Variants in SREK1 observed in about 807,000 individuals in gnomAD.
SREK1 encodes the protein splicing regulatory glutamic acid and lysine rich protein 1, also known as splicing regulatory glutamine/lysine-rich protein 1.
In SREK1, 13 loss-of-function variants were observed where a neutral mutation model predicts 66.5. The observed-to-expected ratio is 0.20, with a 90% CI of 0.13 to 0.31. The LOEUF is 0.31. Among genes scored for constraint, SREK1 ranks in the 10% least tolerant of loss-of-function variants. SREK1 has a pLI of 1.00. For synonymous variants in SREK1, 265 were observed against 263.5 expected, an observed-to-expected ratio of 1.01 and a Z score of -0.05; for missense variants, 607 against 769.6, an observed-to-expected ratio of 0.79 and a Z score of 2.50.
At chr5:66,176,729 TTTG>T (rs942604626) in intron 10 of SREK1, among the ~76,000 whole-genome samples, 8 of 152,100 alleles carry the variant, frequency 5.3e-5, no homozygotes, top group African/African-American at 2.4e-5. Context: ...CCTAGAAATT[TTTG>T]TTGTTGTTGC....
At chr5:66,160,325 G>A (rs956669588) in intron 3 of SREK1, among the ~76,000 whole-genome samples, 2 of 152,186 alleles carry the variant, frequency 1.3e-5, no homozygotes, top group African/African-American at 4.8e-5. Flanking sequence ...CTATGTGATT[G>A]TAGTTAATTT....
In SREK1 at chr5:66,180,444, G is replaced by A. The variant is rs1409730392; in HGVS notation, c.*1576G>A. The A allele has an allele frequency of 6.6e-6, 1 of 152,556 alleles. No homozygotes were observed. The highest frequency in any genetic ancestry group is 1.5e-5 in the Non-Finnish European group (1 of 68,014). The allele number at this position is 152,556 out of a possible 1,614,324, so 9.5% of individuals were successfully genotyped here. A position where few individuals can be genotyped will look rare whatever the true frequency, so the allele number is the denominator to read the frequency against. On this transcript the variant is annotated 3_prime_UTR_variant, in exon 12 of 12. Transcript: ENST00000334121. ...ATCTAAAAAGCTGAATAGCATGTTAGTTACTTGGTTTCAACTTGAGTTTTC... is the reference window on the plus strand; with the variant it reads ...ATCTAAAAAGCTGAATAGCATGTTAATTACTTGGTTTCAACTTGAGTTTTC...
intron 1 of SREK1, 167 bp downstream of exon 1, chr5:66,144,704 C>T (rs895903222): frequency 1.5e-6 from 2 of 1,325,148 alleles, no homozygotes; most frequent in Non-Finnish European, 9.9e-7. Flanking sequence ...CGCCGTCCTG[C>T]TCTCCTTAGT....
chr5:66,157,613 T>TA (rs1744399166), intron 2 of SREK1: 1 of 967,944 alleles, frequency 1.0e-6, no homozygotes, highest in Non-Finnish European at 1.2e-6. Context: ...AACTAATACA[T>TA]ATAAAGCAGA....
chr5:66,155,919 C>T, intron 2 of SREK1: 3 of 1,217,338 alleles, frequency 2.5e-6, no homozygotes, highest in Non-Finnish European at 3.3e-6. Flanking sequence ...TAAATGTTAA[C>T]ACGTAGAAAA....
intron 9 of SREK1, 83 bp downstream of exon 9, chr5:66,171,030 A>G (rs1251367341): frequency 6.7e-7 from 1 of 1,493,164 alleles, no homozygotes. Context: ...AGAAAAGGTT[A>G]CTGTACGCAA....
chr5:66,159,586 A>G (rs1744566096), intron 3 of SREK1, among the ~76,000 whole-genome samples: 1 of 152,168 alleles, frequency 6.6e-6, no homozygotes, highest in Non-Finnish European at 1.5e-5. Context: ...CTAGAAAATC[A>G]GTTATTAAAA....
At chr5:66,144,585 C>G (rs763644337) in intron 1 of SREK1, 48 bp downstream of exon 1, 1 of 1,514,994 alleles carries the variant, frequency 6.6e-7, no homozygotes, top group Non-Finnish European at 8.9e-7. Flanking sequence ...GCCATAGAGA[C>G]CTCGGGAGCC....
chr5:66,172,824 ATTTTTTT>A (rs762670649), intron 9 of SREK1, among the ~76,000 whole-genome samples: 15 of 118,226 alleles, frequency 1.3e-4, no homozygotes, highest in South Asian at 2.6e-4. Flanking sequence ...ATTTCTTTGA[ATTTTTTT>A]TTTTTTTTTT....
chr5:66,148,227 A>G (rs1237795123), intron 1 of SREK1, among the ~76,000 whole-genome samples: 1 of 152,026 alleles, frequency 6.6e-6, no homozygotes, highest in Non-Finnish European at 1.5e-5. Context: ...TAATGCACCA[A>G]CTAATATTTT....
rs144582941 is a variant in SREK1, at chr5:66,158,571, AAGTT to A, written c.296-647_296-644del. 4.3e-3 allele frequency: 920 copies of A among 212,978 alleles called. 12 individuals are homozygous for A. Among genetic ancestry groups the A allele is most frequent in the African/African-American group, 0.021 (884 of 42,136 alleles). The allele number at this position is 212,978 out of a possible 1,614,324, so 13.2% of individuals were successfully genotyped here. On this transcript the variant is annotated intron_variant, in intron 2 of 11. Coordinates refer to ENST00000334121, the MANE Select transcript of SREK1 (RefSeq NM_001077199.3). ...TACGTTGAAGTTGATTACATGGAGT[AAGTT>A]TTTGTTTTCTATTTGAAATTAAATG...
At chr5:66,167,395 G>A (rs1745262516) in intron 7 of SREK1, 1 of 152,124 alleles carries the variant, frequency 6.6e-6, no homozygotes, top group African/African-American at 2.4e-5. Context: ...ATATTTTAAT[G>A]GAAAACAACT....
chr5:66,145,063 A>T (rs1361614086), intron 1 of SREK1: 1 of 985,682 alleles, frequency 1.0e-6, no homozygotes, highest in East Asian at 1.1e-4. Flanking sequence ...CAAACTTAGC[A>T]TTTTGGTTTA....
intron 9 of SREK1, among the ~76,000 whole-genome samples, chr5:66,173,485 T>G (rs1745815792): frequency 6.6e-6 from 1 of 152,204 alleles, no homozygotes; most frequent in African/African-American, 2.4e-5. Context: ...AAAAACAGAT[T>G]AGGTTAAGTA....
At position 66,181,908 on chromosome 5, in the gene SREK1, G is replaced by GA. The variant is rs1580691930; in HGVS notation, c.*3040_*3041insA. The GA allele has an allele frequency of 7.7e-6, 1 of 129,308 alleles. No individual in the cohort carries two copies. The highest frequency in any genetic ancestry group is 2.8e-5 in the African/African-American group (1 of 36,100). The allele number at this position is 129,308 out of a possible 1,614,324, so 8.0% of individuals were successfully genotyped here. On this transcript the variant is annotated 3_prime_UTR_variant, in exon 12 of 12. Transcript: ENST00000334121. ...TGAAAAGGTTTTTTTGTCGGGGGGGGGGGGGTCAAGAGAATTTATTTTGTG... is the reference window on the plus strand; with the variant it reads ...TGAAAAGGTTTTTTTGTCGGGGGGGGAGGGGGTCAAGAGAATTTATTTTGTG...
rs1742951771 is a variant in SREK1, at chr5:66,144,326, T to G, written c.-51T>G. On this transcript the variant is annotated 5_prime_UTR_variant, in exon 1 of 12. Transcript: ENST00000334121. ...TTCTCCGCTTTCCCGGCTCCGTCGC[T>G]GACGCGTCGTAGACGTTGGGGAGCG... 1.4e-6 allele frequency: 2 copies of G among 1,408,032 alleles called. No individual in the cohort carries two copies. Among genetic ancestry groups the G allele is most frequent in the African/African-American group, 2.9e-5 (2 of 67,824 alleles). 87.2% of individuals were successfully genotyped at this position (1,408,032 alleles called of 1,614,324 possible).
intron 1 of SREK1, among the ~76,000 whole-genome samples, chr5:66,147,352 G>T (rs1484587380): frequency 6.6e-6 from 1 of 152,112 alleles, no homozygotes; most frequent in Non-Finnish European, 1.5e-5. Flanking sequence ...AGAAATCCTT[G>T]TTGTTTTTTC....
At chr5:66,150,230 C>T (rs978447881) in intron 1 of SREK1, among the ~76,000 whole-genome samples, 1 of 152,168 alleles carries the variant, frequency 6.6e-6, no homozygotes, top group Non-Finnish European at 1.5e-5. Context: ...ATGAGGAAAC[C>T]GTGCTAAGGC....
At chr5:66,169,785 A>G (rs1028960012) in intron 7 of SREK1, 2 of 215,418 alleles carry the variant, frequency 9.3e-6, no homozygotes, top group African/African-American at 2.3e-5. Context: ...AAAATCTTCT[A>G]TACTGATTTG....
Sources: allele counts gnomAD v4.1 joint callset (sites outside exome capture counted in the v4.1 genomes callset), GRCh38; gene constraint gnomAD v4.1.1; transcripts MANE v1.5; gene names NCBI Gene and HGNC (gene_info 2026-07-23, HGNC 2026-07-21).